The following TBC1D1 variants were observed in gnomAD, a reference collection of about 807,000 sequenced individuals.
TBC1D1 encodes the protein TBC1 (tre-2/USP6, BUB2, cdc16) domain family, member 1.
TBC1D1 carries 89 observed loss-of-function variants against 125.6 expected under a neutral mutation model. The ratio of observed to expected loss-of-function variants is 0.71; its 90% CI spans 0.60 to 0.85. The LOEUF (loss-of-function observed/expected upper bound fraction) is 0.85, where lower values mean the gene tolerates loss of function less well. Ranked by LOEUF, TBC1D1 falls within the 40% of genes least tolerant of loss-of-function variation. The pLI, the probability that TBC1D1 is intolerant of heterozygous loss-of-function variation, is 0.00. For missense variants in TBC1D1, 1,377 were observed against 1,469.2 expected (o/e 0.94, Z 1.03); for synonymous variants, 565 against 564.1 (o/e 1.00, Z -0.02).
At chr4:37,951,875 A>G (rs1257498095) in intron 2 of TBC1D1, 3 of 671,434 alleles carry the variant, frequency 4.5e-6, no homozygotes, top group East Asian at 2.7e-5. Context: ...TTTAGCTATT[A>G]CAATACTGAC....
intron 12 of TBC1D1, among the ~76,000 whole-genome samples, chr4:38,083,334 C>T (rs530419901): frequency 3.3e-5 from 5 of 152,284 alleles, no homozygotes; most frequent in Admixed American, 6.5e-5. Context: ...TATATTCAGG[C>T]GCATACTATC....
intron 2 of TBC1D1, among the ~76,000 whole-genome samples, chr4:37,993,122 G>T (rs1208897651): frequency 2.0e-5 from 3 of 152,070 alleles, no homozygotes; most frequent in African/African-American, 7.2e-5. Context: ...CTTTAAATAG[G>T]TGATTGGAAA....
At chr4:37,987,785 G>A (rs1051834668) in intron 2 of TBC1D1, among the ~76,000 whole-genome samples, 3 of 152,174 alleles carry the variant, frequency 2.0e-5, no homozygotes, top group Non-Finnish European at 4.4e-5. Flanking sequence ...GCATTTTCTC[G>A]TTGACTTGAG....
At chr4:38,112,755 T>C (rs1453936070) in intron 15 of TBC1D1, among the ~76,000 whole-genome samples, 1 of 152,200 alleles carries the variant, frequency 6.6e-6, no homozygotes, top group Admixed American at 6.5e-5. Context: ...TAGAAAGGCG[T>C]CCAGACCCTG....
At chr4:38,117,953 C>A in intron 16 of TBC1D1, 80 bp from the exon 19 acceptor site, 1 of 1,318,520 alleles carries the variant, frequency 7.6e-7, no homozygotes. Flanking sequence ...TTCTCTTACA[C>A]CCACCCTGTG....
chr4:37,996,497 T>G (rs1169822225), intron 2 of TBC1D1, among the ~76,000 whole-genome samples: 1 of 152,248 alleles, frequency 6.6e-6, no homozygotes, highest in Non-Finnish European at 1.5e-5. Context: ...GTGAGTGTAG[T>G]TGATTTCAAG....
intron 13 of TBC1D1, among the ~76,000 whole-genome samples, chr4:38,095,554 A>T: frequency 6.6e-6 from 1 of 152,224 alleles, no homozygotes; most frequent in East Asian, 1.9e-4. Context: ...GATGAAAAAA[A>T]TTGCATCAAG....
chr4:38,033,948 A>G (rs1424599662), intron 7 of TBC1D1, among the ~76,000 whole-genome samples: 1 of 152,246 alleles, frequency 6.6e-6, no homozygotes, highest in Non-Finnish European at 1.5e-5. Flanking sequence ...ATCGATGCAC[A>G]TCTTAGTTGC....
chr4:38,023,822 GTT>G, intron 6 of TBC1D1, among the ~76,000 whole-genome samples: 1 of 152,094 alleles, frequency 6.6e-6, no homozygotes, highest in Non-Finnish European at 1.5e-5. Context: ...AATTCTTTCG[GTT>G]ATATATCCAG....
At chr4:37,925,297 T>A (rs970755339) in intron 2 of TBC1D1, among the ~76,000 whole-genome samples, 2 of 152,272 alleles carry the variant, frequency 1.3e-5, no homozygotes, top group African/African-American at 4.8e-5. Flanking sequence ...TGCTGGGTTT[T>A]ATTCTTGCCA....
At chr4:38,115,587 A>G in intron 15 of TBC1D1, 123 bp from the exon 18 acceptor site, 1 of 1,008,662 alleles carries the variant, frequency 9.9e-7, no homozygotes. Context: ...GCAAAGACTG[A>G]TTGATATTAT....
chr4:37,977,387 C>A lies in TBC1D1; in HGVS notation c.418-37122C>A. ...CCGCCGCCGCCGCCGCCGGGGAGAG[C>A]GATGCCCCGGCCCCGCCGCTCCCCA... On this transcript the variant is annotated intron_variant, in intron 2 of 19. Transcript: ENST00000261439. The surrounding 1 kb of genome is among the most constrained non-coding windows in gnomAD (Gnocchi z 4.3). The A allele has an allele frequency of 2.1e-6, 1 of 468,448 alleles. No individual in the cohort carries two copies. Among genetic ancestry groups the A allele is most frequent in the Non-Finnish European group, 2.8e-6 (1 of 358,908 alleles). 29.0% of individuals were successfully genotyped at this position (468,448 alleles called of 1,614,324 possible).
chr4:37,946,129 T>C (rs1432632556), intron 2 of TBC1D1, among the ~76,000 whole-genome samples: 1 of 152,238 alleles, frequency 6.6e-6, no homozygotes, highest in East Asian at 1.9e-4. Context: ...ATCTTTGATA[T>C]TAAATTTAAT....
intron 17 of TBC1D1, chr4:38,118,593 T>G: frequency 1.2e-5 from 2 of 160,784 alleles, no homozygotes; most frequent in Non-Finnish European, 1.4e-5. Flanking sequence ...CCTTTCTAGA[T>G]TCCCTTGGCA....
chr4:38,133,267 A>G lies in TBC1D1; in HGVS notation c.3306+10A>G. On this transcript the variant is annotated intron_variant, in intron 19 of 19. Coordinates refer to ENST00000261439, the MANE Select transcript of TBC1D1 (RefSeq NM_015173.4). Reference sequence around the variant, plus strand: ...CCTTGAACAGTTGCAGGTAGAGCATATTTATAAAGCAGCTTCCTGAATCAC... The same window carrying G: ...CCTTGAACAGTTGCAGGTAGAGCATGTTTATAAAGCAGCTTCCTGAATCAC... 6.2e-7 allele frequency: 1 copy of G among 1,607,784 alleles called. No individual in the cohort carries two copies. The highest frequency in any genetic ancestry group is 8.5e-7 in the Non-Finnish European group (1 of 1,177,804).
intron 12 of TBC1D1, among the ~76,000 whole-genome samples, chr4:38,084,317 T>C (rs1757108343): frequency 1.3e-5 from 2 of 152,234 alleles, no homozygotes; most frequent in Admixed American, 6.5e-5. Context: ...AGGTTCTCTT[T>C]GGAGTATTTT....
intron 2 of TBC1D1, among the ~76,000 whole-genome samples, chr4:37,998,526 A>G (rs948859183): frequency 2.0e-5 from 3 of 151,970 alleles, no homozygotes; most frequent in African/African-American, 4.8e-5. Flanking sequence ...CCCCTGACCA[A>G]CCGGGCCTCC....
Position 37,927,908 on chromosome 4 carries a change from T to C in TBC1D1, c.417+25396T>C, listed in dbSNP as rs77262288. Among the ~76,000 whole-genome samples, 3,833 of 152,232 alleles carry C rather than the reference T, an allele frequency of 0.025. 452 individuals carry two copies. The East Asian group carries it at 0.35, about 14-fold the overall frequency. ...TCCTGGGCAACATAGCAAATCCCTGTTTCTGAAAAACACATTTTAAAAATT... is the reference window on the plus strand; with the variant it reads ...TCCTGGGCAACATAGCAAATCCCTGCTTCTGAAAAACACATTTTAAAAATT... On this transcript the variant is annotated intron_variant, in intron 2 of 19. Transcript: ENST00000261439.
At chr4:37,918,383 T>C (rs949057081) in intron 2 of TBC1D1, among the ~76,000 whole-genome samples, 2 of 152,194 alleles carry the variant, frequency 1.3e-5, no homozygotes, top group Non-Finnish European at 2.9e-5. Flanking sequence ...TTTTCTTTTT[T>C]GGCCTGTATG....
Sources: allele counts gnomAD v4.1 joint callset (sites outside exome capture counted in the v4.1 genomes callset), GRCh38; gene constraint gnomAD v4.1.1; non-coding constraint Gnocchi (gnomAD v3.1); transcripts MANE v1.5; gene names NCBI Gene and HGNC (gene_info 2026-07-23, HGNC 2026-07-21).